Variants in TRAPPC10 observed in about 807,000 individuals in gnomAD.
TRAPPC10 encodes trafficking protein particle complex subunit 10.
Under a neutral mutation model 125.5 loss-of-function variants are expected in TRAPPC10, and 23 were observed. The ratio of observed to expected loss-of-function variants is 0.18; its 90% CI spans 0.13 to 0.26. TRAPPC10 has a LOEUF of 0.26. TRAPPC10 is among the 10% of genes least tolerant of loss of function. The pLI is 1.00. For synonymous variants in TRAPPC10, 509 were observed against 518.0 expected (o/e 0.98, Z 0.24); for missense variants, 1,123 against 1,308.4 (o/e 0.86, Z 2.19).
Position 44,063,489 on chromosome 21 carries a change from A to AATCAATC in TRAPPC10, c.791-48_791-47insTCAATCA. On this transcript the variant is annotated intron_variant, in intron 6 of 22. Coordinates refer to ENST00000291574, the MANE Select transcript of TRAPPC10 (RefSeq NM_003274.5). The surrounding 1 kb of genome is among the most constrained non-coding windows in gnomAD (Gnocchi z 4.4). Reference sequence around the variant, plus strand: ...CCTCAGCCTGAGCAGGAAGCTCAGGAAGGTGAAGTACCTGCAATCAGCACC... The same window carrying AATCAATC: ...CCTCAGCCTGAGCAGGAAGCTCAGGAATCAATCAGGTGAAGTACCTGCAATCAGCACC... 6.3e-7 allele frequency: 1 copy of AATCAATC among 1,595,464 alleles called. No individual in the cohort carries two copies. Among genetic ancestry groups the AATCAATC allele is most frequent in the South Asian group, 1.1e-5 (1 of 87,832 alleles).
At chr21:44,069,972 C>T (rs2036743781) in intron 7 of TRAPPC10, among the ~76,000 whole-genome samples, 1 of 151,956 alleles carries the variant, frequency 6.6e-6, no homozygotes, top group Non-Finnish European at 1.5e-5. Flanking sequence ...TGGCTCACTG[C>T]AACCTCTGCC....
At position 44,076,615 on chromosome 21, in the gene TRAPPC10, A is replaced by G. The variant is rs563441687; in HGVS notation, c.1364A>G (p.Glu455Gly). Residue 455 changes from glutamate to glycine, a missense_variant, in exon 10 of 23, where the codon GAA (glutamate) becomes GGA (glycine). By Grantham distance (98) the Glu-to-Gly change is moderately conservative (BLOSUM62 -2). Transcript: ENST00000291574. ...GCATTATCGTCAGTGGAAGCTTTTG[A>G]AAAACACTACTTAGTAAGTATTAAC... ...KEALSSVEAF[E>G]KHYLDLSHAT... is the part of the protein sequence containing the mutation. 4 of 1,612,980 alleles carry G rather than the reference A, an allele frequency of 2.5e-6. No homozygotes were observed. Among genetic ancestry groups the G allele is most frequent in the Admixed American group, 3.3e-5 (2 of 60,022 alleles).
At chr21:44,079,492 G>A (rs531598339) in intron 11 of TRAPPC10, 72 bp from the exon 12 acceptor site, 10 of 1,519,590 alleles carry the variant, frequency 6.6e-6, no homozygotes, top group African/African-American at 1.4e-5. Flanking sequence ...AGGCCAAAGC[G>A]GGAGAGATGG....
chr21:44,032,333 CTG>C (rs549120427), intron 2 of TRAPPC10, among the ~76,000 whole-genome samples, 161 bp downstream of exon 2: 146 of 149,876 alleles, frequency 9.7e-4, no homozygotes, highest in Middle Eastern at 3.5e-3. Context: ...CTCACATAAT[CTG>C]TGGGTCTTTG....
intron 6 of TRAPPC10, among the ~76,000 whole-genome samples, chr21:44,060,915 TACACACACACAC>T (rs34848979): frequency 6.8e-5 from 9 of 132,190 alleles, no homozygotes; most frequent in Non-Finnish European, 1.3e-4. Flanking sequence ...CATACATACA[TACACACACACAC>T]ACACACACAC....
Position 44,086,968 on chromosome 21 carries a change from G to T in TRAPPC10, c.2539+8G>T, listed in dbSNP as rs748278790. 1.2e-6 allele frequency: 2 copies of T among 1,613,640 alleles called. No homozygotes were observed. On this transcript the variant is annotated splice_region_variant and intron_variant, in intron 16 of 22. Coordinates refer to ENST00000291574, the MANE Select transcript of TRAPPC10 (RefSeq NM_003274.5). ...TCTACTCCAACACGAGAGGTGAGGT[G>T]CCGCCCACCCAGGCCCAAGGAGGAT... is the stretch of plus-strand genomic sequence containing the variant.
At chr21:44,067,247 C>G (rs2036519403) in intron 7 of TRAPPC10, among the ~76,000 whole-genome samples, 1 of 152,150 alleles carries the variant, frequency 6.6e-6, no homozygotes, top group Admixed American at 6.5e-5. Context: ...CAGGTTGAAC[C>G]AGAGGAAGAA....
Position 44,075,159 on chromosome 21 carries a change from T to G in TRAPPC10, c.1300+6T>G. The G allele has an allele frequency of 6.3e-7, 1 of 1,597,392 alleles. No homozygotes were observed. The highest frequency in any genetic ancestry group is 8.6e-7 in the Non-Finnish European group (1 of 1,164,906). On this transcript the variant is annotated splice_donor_region_variant and intron_variant, in intron 9 of 22. Transcript: ENST00000291574. ...AGCTGAGCGACCAGAAACAGGTACT[T>G]TTTTGTATATACCTGTGTGAGTGGT... is the stretch of plus-strand genomic sequence containing the variant.
In TRAPPC10 at chr21:44,059,418, A is replaced by C. The variant is rs933807629; in HGVS notation, c.790+204A>C. ...ATTAGTCATTTTCACTTTTAGAAGA[A>C]TCTTAAGTAACAAAAATAATAATAA... On this transcript the variant is annotated intron_variant, in intron 6 of 22. Transcript: ENST00000291574. This position sits in a 1 kb window ranked among gnomAD's most constrained non-coding sequence, Gnocchi z 4.4. The C allele has an allele frequency of 2.8e-6, 2 of 703,124 alleles. No individual in the cohort carries two copies. Among genetic ancestry groups the C allele is most frequent in the African/African-American group, 3.6e-5 (2 of 55,966 alleles). The allele number at this position is 703,124 out of a possible 1,614,324, so 43.6% of individuals were successfully genotyped here.
At chr21:44,015,777 C>G (rs2031768582) in intron 1 of TRAPPC10, among the ~76,000 whole-genome samples, 1 of 151,900 alleles carries the variant, frequency 6.6e-6, no homozygotes, top group Admixed American at 6.6e-5. Flanking sequence ...ACCATGCCCA[C>G]CTAATTTTTG....
At chr21:44,073,264 A>G (rs1048538072) in intron 7 of TRAPPC10, among the ~76,000 whole-genome samples, 3 of 152,054 alleles carry the variant, frequency 2.0e-5, no homozygotes, top group Non-Finnish European at 2.9e-5. Context: ...GTGCCTTGCA[A>G]GAGTTCTTAT....
intron 3 of TRAPPC10, among the ~76,000 whole-genome samples, chr21:44,049,315 C>T (rs911619693): frequency 7.2e-5 from 11 of 152,222 alleles, no homozygotes; most frequent in Non-Finnish European, 1.6e-4. Context: ...TTGTAACTCC[C>T]TTCTCCACAT....
rs977403677 is a variant in TRAPPC10, at chr21:44,056,956, T to G, written c.678+1063T>G. Among the ~76,000 whole-genome samples the G allele has an allele frequency of 5.3e-5, 8 of 152,278 alleles. No individual in the cohort carries two copies. In the East Asian group the frequency reaches 9.6e-4, roughly 18 times the overall value. ...ATATGGAAACTAGATAATTTTTTTT[T>G]TTGCAATATTTCTGTAAGTCTAAGA... On this transcript the variant is annotated intron_variant, in intron 5 of 22. Transcript: ENST00000291574.
intron 20 of TRAPPC10, among the ~76,000 whole-genome samples, chr21:44,094,983 C>T (rs116657184): frequency 0.015 from 2,316 of 149,808 alleles, 65 homozygotes; most frequent in African/African-American, 0.052. Flanking sequence ...ATAAATAAAA[C>T]CACAAATTAT....
chr21:44,077,141 G>A lies in TRAPPC10; in HGVS notation c.1377+513G>A, dbSNP rs191707537. ...CCAGCATGTCACCCACGTGCAGAAA[G>A]TCCTTGGAAAAGTTAGATGTTTTGG... On this transcript the variant is annotated intron_variant, in intron 10 of 22. Coordinates refer to ENST00000291574, the MANE Select transcript of TRAPPC10 (RefSeq NM_003274.5). Among the ~76,000 whole-genome samples the A allele has an allele frequency of 1.1e-4, 17 of 152,258 alleles. 1 individual carries two copies. The highest frequency in any genetic ancestry group is 3.9e-4 in the African/African-American group (16 of 41,534).
At chr21:44,066,095 G>C (rs1019215888) in intron 7 of TRAPPC10, among the ~76,000 whole-genome samples, 1 of 152,176 alleles carries the variant, frequency 6.6e-6, no homozygotes, top group Admixed American at 6.5e-5. Flanking sequence ...CAGAGGCCAG[G>C]GGGTAGGTGT....
intron 10 of TRAPPC10, among the ~76,000 whole-genome samples, 197 bp from the exon 11 acceptor site, chr21:44,077,496 A>C (rs538824723): frequency 1.2e-4 from 18 of 152,286 alleles, no homozygotes; most frequent in African/African-American, 4.3e-4. Flanking sequence ...GAGGCACAAG[A>C]ATCACTTCAA....
chr21:44,091,483 AGGCTGGAGTGCAGT>A lies in TRAPPC10; in HGVS notation c.2871-436_2871-423del, dbSNP rs568204364. On this transcript the variant is annotated intron_variant, in intron 18 of 22. Coordinates refer to ENST00000291574, the MANE Select transcript of TRAPPC10 (RefSeq NM_003274.5). ...TGAGATGGAGTCTCGCCCTGTCACC[AGGCTGGAGTGCAGT>A]GGCGTGATCTCAGCTCACTGCAACC... Among the ~76,000 whole-genome samples, 74 of 152,268 alleles carry A rather than the reference AGGCTGGAGTGCAGT, an allele frequency of 4.9e-4. 1 individual carries two copies. The Middle Eastern group carries it at 0.02, about 42-fold the overall frequency.
chr21:44,032,699 A>G (rs1239305912), intron 2 of TRAPPC10, among the ~76,000 whole-genome samples: 2 of 152,016 alleles, frequency 1.3e-5, no homozygotes, highest in Non-Finnish European at 2.9e-5. Context: ...GTTTTTCTTA[A>G]CGAGACATTG....
Sources: gnomAD v4.1 joint callset for allele counts (sites outside exome capture counted in the v4.1 genomes callset) on GRCh38, gnomAD v4.1.1 for gene constraint, Gnocchi (gnomAD v3.1) non-coding constraint, MANE v1.5 for transcripts, NCBI Gene and HGNC (gene_info 2026-07-23, HGNC 2026-07-21) for gene names.